The following BANK1 variants were observed in gnomAD, a reference collection of about 807,000 sequenced individuals.
BANK1 encodes the protein B-cell scaffold protein with ankyrin repeats.
In BANK1, 95 loss-of-function variants were observed where a neutral mutation model predicts 94.5. That is an observed-to-expected ratio of 1.00 (90% CI 0.85 to 1.19). The LOEUF is 1.19. Ranked by LOEUF, BANK1 falls within the 50% of genes most tolerant of loss-of-function variation. BANK1 has a pLI of 0.00. For synonymous variants in BANK1, 334 were observed against 308.4 expected (o/e 1.08, Z -0.87); for missense variants, 987 against 932.2 (o/e 1.06, Z -0.77).
At chr4:101,952,250 A>G (rs1249958407) in intron 7 of BANK1, among the ~76,000 whole-genome samples, 1 of 152,132 alleles carries the variant, frequency 6.6e-6, no homozygotes, top group Non-Finnish European at 1.5e-5. Flanking sequence ...TGAGAAAAAA[A>G]TAAAAATGGC....
intron 7 of BANK1, among the ~76,000 whole-genome samples, chr4:101,976,019 A>G (rs1190556576): frequency 1.3e-5 from 2 of 152,136 alleles, no homozygotes; most frequent in Non-Finnish European, 2.9e-5. Flanking sequence ...AACCAGGGGA[A>G]GAAGCTGATT....
chr4:101,960,301 C>G (rs1283715288), intron 7 of BANK1, among the ~76,000 whole-genome samples: 4 of 151,844 alleles, frequency 2.6e-5, no homozygotes, highest in East Asian at 1.9e-4. Flanking sequence ...ATTCTATACT[C>G]AAGGTAGATG....
chr4:101,875,410 C>T (rs948548332), intron 5 of BANK1, among the ~76,000 whole-genome samples: 2 of 152,174 alleles, frequency 1.3e-5, no homozygotes, highest in African/African-American at 2.4e-5. Context: ...ACTCACAGTT[C>T]TTGTGGCGGG....
chr4:101,997,320 G>T (rs541927184), intron 7 of BANK1, among the ~76,000 whole-genome samples: 3 of 152,104 alleles, frequency 2.0e-5, no homozygotes, highest in African/African-American at 4.8e-5. Flanking sequence ...TGTACTGCTG[G>T]ATTCAGTTTG....
At chr4:101,981,787 G>A (rs1251052522) in intron 7 of BANK1, 5 of 152,012 alleles carry the variant, frequency 3.3e-5, no homozygotes, top group Admixed American at 1.3e-4. Context: ...CAGTGAGTCA[G>A]CTTTGAAGAT....
intron 7 of BANK1, among the ~76,000 whole-genome samples, chr4:101,921,828 T>G (rs1212638727): frequency 6.6e-6 from 1 of 151,890 alleles, no homozygotes; most frequent in Non-Finnish European, 1.5e-5. Flanking sequence ...TTATAAATAT[T>G]GATGAAGAAA....
In BANK1 at chr4:101,897,854, T is replaced by C. The variant is rs553338345; in HGVS notation, c.1009+2444T>C. 2.5e-4 allele frequency among the ~76,000 whole-genome samples: 38 copies of C among 152,034 alleles called. No homozygotes were observed. The South Asian group carries it at 7.7e-3, about 31-fold the overall frequency. On this transcript the variant is annotated intron_variant, in intron 6 of 16. Transcript: ENST00000322953. ...ACCAGCAAAATAATTCTTCCTTATA[T>C]TGAATTTTGACACAGAAAAAAATAT...
At chr4:102,064,978 G>GA (rs1728543794) in intron 13 of BANK1, among the ~76,000 whole-genome samples, 2 of 152,176 alleles carry the variant, frequency 1.3e-5, no homozygotes, top group Non-Finnish European at 2.9e-5. Flanking sequence ...CCATGGGAAG[G>GA]ATTCCACAAG....
In BANK1 at chr4:102,054,293, G is replaced by A. The variant is rs532643267; in HGVS notation, c.1970-5918G>A. Among the ~76,000 whole-genome samples the A allele has an allele frequency of 4.6e-5, 7 of 152,144 alleles. No homozygotes were observed. In the South Asian group the frequency reaches 6.2e-4, roughly 14 times the overall value. ...CACCTTCTGTACTATTCACGTAATC[G>A]TATTAACAACTCTCACTACAACTTT... is the stretch of plus-strand genomic sequence containing the variant. On this transcript the variant is annotated intron_variant, in intron 11 of 16. Transcript: ENST00000322953.
chr4:101,956,370 G>T (rs1724341926), intron 7 of BANK1, among the ~76,000 whole-genome samples: 1 of 152,114 alleles, frequency 6.6e-6, no homozygotes, highest in Admixed American at 6.6e-5. Flanking sequence ...TTCCCACTAT[G>T]CAGGCAATTG....
At chr4:101,940,755 C>T (rs1400730165) in intron 7 of BANK1, among the ~76,000 whole-genome samples, 1 of 151,792 alleles carries the variant, frequency 6.6e-6, no homozygotes, top group African/African-American at 2.4e-5. Context: ...ATTCTTATCA[C>T]ATCACATCAT....
At position 101,830,163 on chromosome 4, in the gene BANK1, AC is replaced by A; in HGVS notation, c.428del (p.Pro143LeufsTer7). ...SRWEISTEQE[P>X]EDYISVIQSI... is the part of the protein sequence containing the mutation. ...GATGGGAGATCTCAACTGAACAGGA[AC>A]CTGAAGACTACATCTCTGTAATCCA... On this transcript the variant is annotated frameshift_variant, in exon 2 of 17. Coordinates refer to ENST00000322953, the MANE Select transcript of BANK1 (RefSeq NM_017935.5). LOFTEE classifies it high-confidence loss of function. 1.3e-6 allele frequency: 2 copies of A among 1,594,762 alleles called. No homozygotes were observed. The highest frequency in any genetic ancestry group is 8.5e-7 in the Non-Finnish European group (1 of 1,173,434).
At chr4:101,967,911 T>C (rs775116458) in intron 7 of BANK1, among the ~76,000 whole-genome samples, 3 of 152,014 alleles carry the variant, frequency 2.0e-5, no homozygotes, top group Non-Finnish European at 4.4e-5. Flanking sequence ...AACTTAACTG[T>C]TTTCAATCAA....
At chr4:101,797,309 A>G (rs1725189995) in intron 1 of BANK1, among the ~76,000 whole-genome samples, 1 of 152,192 alleles carries the variant, frequency 6.6e-6, no homozygotes. Context: ...TGTTATTATA[A>G]TGAGTGAGGA....
chr4:102,021,115 C>T lies in BANK1; in HGVS notation c.1207-399C>T, dbSNP rs555312290. On this transcript the variant is annotated intron_variant, in intron 7 of 16. Transcript: ENST00000322953. ...AATTTCATTGTCTTTCACTGTATTA[C>T]AGTAATTGTAATTAAGAATATCTTT... 9.8e-4 allele frequency among the ~76,000 whole-genome samples: 149 copies of T among 151,670 alleles called. No individual in the cohort carries two copies. In the Middle Eastern group the frequency reaches 0.01, roughly 10 times the overall value.
At chr4:102,060,098 T>C (rs549600708) in intron 11 of BANK1, 113 bp from the exon 12 acceptor site, 1 of 938,750 alleles carries the variant, frequency 1.1e-6, no homozygotes, top group East Asian at 2.9e-5. Flanking sequence ...ATTCTTTAAC[T>C]GCTCATAGAG....
At chr4:102,069,268 T>C (rs767917204) in intron 13 of BANK1, among the ~76,000 whole-genome samples, 4 of 152,192 alleles carry the variant, frequency 2.6e-5, no homozygotes, top group Non-Finnish European at 5.9e-5. Flanking sequence ...TTTCTTTAAC[T>C]CTTTCAGCTG....
At chr4:101,792,258 C>CCG (rs1164968686) in intron 1 of BANK1, among the ~76,000 whole-genome samples, 3 of 138,688 alleles carry the variant, frequency 2.2e-5, no homozygotes, top group East Asian at 2.3e-4. Context: ...ATTCCGCTCC[C>CCG]CCCCCGCCCC....
intron 4 of BANK1, among the ~76,000 whole-genome samples, chr4:101,866,397 A>G (rs1014177524): frequency 1.3e-5 from 2 of 152,136 alleles, no homozygotes; most frequent in African/African-American, 4.8e-5. Flanking sequence ...AAGGTCTAAC[A>G]TACATGTAAT....
Sources: allele counts gnomAD v4.1 joint callset (sites outside exome capture counted in the v4.1 genomes callset), GRCh38; gene constraint gnomAD v4.1.1; transcripts MANE v1.5; gene names NCBI Gene and HGNC (gene_info 2026-07-23, HGNC 2026-07-21).